The following DIAPH3 variants were observed in gnomAD, a reference collection of about 807,000 sequenced individuals.
DIAPH3 encodes the protein protein diaphanous homolog 3.
In DIAPH3, 117 loss-of-function variants were observed where a neutral mutation model predicts 144.3. That is an observed-to-expected ratio of 0.81 (90% CI 0.70 to 0.95). DIAPH3 has a LOEUF of 0.95. DIAPH3 is among the 40% of genes least tolerant of loss of function. DIAPH3 has a pLI of 0.00. For missense variants in DIAPH3, 1,421 were observed against 1,412.7 expected, an observed-to-expected ratio of 1.01 and a Z score of -0.09; for synonymous variants, 519 against 488.9, an observed-to-expected ratio of 1.06 and a Z score of -0.81.
chr13:60,124,827 C>G (rs2058944972), intron 2 of DIAPH3, among the ~76,000 whole-genome samples: 1 of 151,542 alleles, frequency 6.6e-6, no homozygotes. Context: ...AAAGCGAGAC[C>G]CTGTCTCAAA....
intron 24 of DIAPH3, 188 bp downstream of exon 24, chr13:59,832,919 T>C (rs1215028559): frequency 1.7e-6 from 1 of 585,516 alleles, no homozygotes; most frequent in Non-Finnish European, 3.0e-6. Context: ...TACAGCTTAA[T>C]GTTGGAAAGG....
chr13:59,787,738 T>C (rs1217538322), intron 25 of DIAPH3, among the ~76,000 whole-genome samples: 2 of 152,208 alleles, frequency 1.3e-5, no homozygotes, highest in African/African-American at 2.4e-5. Context: ...TCTTCTATGA[T>C]CTGAATCTTT....
intron 4 of DIAPH3, among the ~76,000 whole-genome samples, chr13:60,066,429 T>C (rs1419785779): frequency 6.6e-6 from 1 of 152,186 alleles, no homozygotes; most frequent in Non-Finnish European, 1.5e-5. Flanking sequence ...CTGGTAAATG[T>C]TTAACAACCA....
chr13:60,138,776 G>GA (rs58339306), intron 1 of DIAPH3, among the ~76,000 whole-genome samples: 24 of 62,854 alleles, frequency 3.8e-4, no homozygotes, highest in Non-Finnish European at 7.6e-4. Flanking sequence ...AGAAGGAGAA[G>GA]GAGAAGAAGG....
intron 27 of DIAPH3, among the ~76,000 whole-genome samples, chr13:59,751,968 G>C (rs572156013): frequency 3.3e-5 from 5 of 152,324 alleles, no homozygotes; most frequent in African/African-American, 4.8e-5. Context: ...GAGCCAAGAA[G>C]CAGGATATAT....
chr13:60,097,818 G>A (rs1256594423), intron 3 of DIAPH3, among the ~76,000 whole-genome samples: 2 of 151,938 alleles, frequency 1.3e-5, no homozygotes, highest in Non-Finnish European at 2.9e-5. Context: ...TAAGGGGGCA[G>A]TAGAGAGAAA....
At chr13:60,120,032 T>C (rs990592383) in intron 2 of DIAPH3, among the ~76,000 whole-genome samples, 2 of 151,890 alleles carry the variant, frequency 1.3e-5, no homozygotes, top group African/African-American at 4.8e-5. Flanking sequence ...TAATTTAAGG[T>C]AGAATATTGT....
rs557237326 is a variant in DIAPH3, at chr13:60,052,102, G to A, written c.496-9282C>T. Among the ~76,000 whole-genome samples the A allele has an allele frequency of 9.9e-5, 15 of 152,236 alleles. No homozygotes were observed. The South Asian group carries it at 1.2e-3, about 13-fold the overall frequency. Reference sequence around the variant, plus strand: ...AACCAAGGGCAGGGTTTATATGAACGATGAGGCAAACAAACTGATGGTATG... The same window carrying A: ...AACCAAGGGCAGGGTTTATATGAACAATGAGGCAAACAAACTGATGGTATG... On this transcript the variant is annotated intron_variant, in intron 4 of 27. Coordinates refer to ENST00000400324, the MANE Select transcript of DIAPH3 (RefSeq NM_001042517.2).
chr13:59,714,298 T>G (rs901362712), intron 27 of DIAPH3, among the ~76,000 whole-genome samples: 3 of 141,332 alleles, frequency 2.1e-5, no homozygotes, highest in Non-Finnish European at 4.5e-5. Flanking sequence ...AGGCGGAGCT[T>G]GCAGTGAGCC....
intron 3 of DIAPH3, among the ~76,000 whole-genome samples, chr13:60,110,256 G>A (rs1381435009): frequency 6.6e-6 from 1 of 152,120 alleles, no homozygotes; most frequent in African/African-American, 2.4e-5. Context: ...CCAAAGCAAA[G>A]AACCTAGATG....
chr13:60,119,470 G>A (rs972628439), intron 2 of DIAPH3, among the ~76,000 whole-genome samples: 4 of 152,114 alleles, frequency 2.6e-5, no homozygotes, highest in Admixed American at 6.5e-5. Flanking sequence ...AATCTTGGCC[G>A]GGCGCGGTGG....
At chr13:60,003,939 T>C (rs1159952372) in intron 9 of DIAPH3, among the ~76,000 whole-genome samples, 2 of 152,174 alleles carry the variant, frequency 1.3e-5, no homozygotes, top group Non-Finnish European at 2.9e-5. Context: ...GTTTAACATT[T>C]TCTTACTATA....
At chr13:59,879,808 T>C (rs895010733) in intron 20 of DIAPH3, among the ~76,000 whole-genome samples, 5 of 152,202 alleles carry the variant, frequency 3.3e-5, no homozygotes, top group Non-Finnish European at 7.3e-5. Flanking sequence ...TTCATGTCAT[T>C]ATTTTGAATA....
At chr13:59,960,837 A>T (rs1477452566) in intron 17 of DIAPH3, among the ~76,000 whole-genome samples, 2 of 152,070 alleles carry the variant, frequency 1.3e-5, no homozygotes, top group South Asian at 2.1e-4. Flanking sequence ...AGTCCCATAA[A>T]TGAGTCATCA....
intron 1 of DIAPH3, among the ~76,000 whole-genome samples, chr13:60,136,021 C>T (rs1002369311): frequency 1.3e-5 from 2 of 152,112 alleles, no homozygotes; most frequent in African/African-American, 4.8e-5. Context: ...ATCTCAAGGT[C>T]CTGCCTGTTT....
At chr13:59,903,427 A>T (rs990867581) in intron 20 of DIAPH3, among the ~76,000 whole-genome samples, 1 of 152,168 alleles carries the variant, frequency 6.6e-6, no homozygotes, top group Non-Finnish European at 1.5e-5. Context: ...TTTCCTCAAC[A>T]TCTTTTATGA....
chr13:59,914,529 T>C (rs1184271748), intron 19 of DIAPH3, among the ~76,000 whole-genome samples: 1 of 152,140 alleles, frequency 6.6e-6, no homozygotes. Context: ...AGGTTATAGA[T>C]GGAATTAAAG....
chr13:59,844,565 TAC>T (rs2042531475), intron 22 of DIAPH3, among the ~76,000 whole-genome samples: 1 of 152,012 alleles, frequency 6.6e-6, no homozygotes, highest in South Asian at 2.1e-4. Flanking sequence ...TATTAAATTG[TAC>T]ACTCTTAAAG....
intron 20 of DIAPH3, among the ~76,000 whole-genome samples, chr13:59,898,342 A>G (rs2140161909): frequency 6.6e-6 from 1 of 152,230 alleles, no homozygotes; most frequent in East Asian, 1.9e-4. Context: ...TAAGAAACTC[A>G]TACAACGTTT....
Sources: gnomAD v4.1 joint callset for allele counts (sites outside exome capture counted in the v4.1 genomes callset) on GRCh38, gnomAD v4.1.1 for gene constraint, MANE v1.5 for transcripts, NCBI Gene and HGNC (gene_info 2026-07-23, HGNC 2026-07-21) for gene names.